SPPL3: variants seen among roughly 807,000 people sequenced by gnomAD.
The protein encoded by SPPL3 is signal peptide peptidase like 3, also known as signal peptide peptidase-like 3.
A neutral mutation model predicts 42.4 loss-of-function variants in SPPL3; 5 were observed. The observed-to-expected ratio is 0.12, with a 90% CI of 0.06 to 0.25. The LOEUF is 0.25. Ranked by LOEUF, SPPL3 falls within the 10% of genes least tolerant of loss-of-function variation. SPPL3 has a pLI of 1.00. For missense variants in SPPL3, 235 were observed against 489.0 expected (o/e 0.48, Z 4.90); for synonymous variants, 195 against 181.8 (o/e 1.07, Z -0.58).
intron 1 of SPPL3, among the ~76,000 whole-genome samples, chr12:120,872,205 C>A (rs1872954581): frequency 6.6e-6 from 1 of 152,202 alleles, no homozygotes; most frequent in Non-Finnish European, 1.5e-5. Flanking sequence ...GCAGAACCCA[C>A]AGATACAGAG....
chr12:120,823,576 T>C (rs1483649977), intron 1 of SPPL3, among the ~76,000 whole-genome samples: 5 of 152,308 alleles, frequency 3.3e-5, no homozygotes, highest in Admixed American at 1.3e-4. Context: ...ATTTTCTCCT[T>C]CTCCTCTGCC....
intron 1 of SPPL3, among the ~76,000 whole-genome samples, chr12:120,821,189 T>C (rs1270869717): frequency 6.6e-6 from 1 of 152,122 alleles, no homozygotes; most frequent in Non-Finnish European, 1.5e-5. Flanking sequence ...AAGAAAGGAT[T>C]TATTGCCGGG....
At chr12:120,871,718 ACTCCAG>A (rs1335596003) in intron 1 of SPPL3, among the ~76,000 whole-genome samples, 1 of 152,008 alleles carries the variant, frequency 6.6e-6, no homozygotes, top group Non-Finnish European at 1.5e-5. Context: ...GTGCCACTGC[ACTCCAG>A]CCTGGGTGAC....
chr12:120,796,675 T>C (rs1870108426), intron 2 of SPPL3, among the ~76,000 whole-genome samples: 1 of 152,158 alleles, frequency 6.6e-6, no homozygotes, highest in African/African-American at 2.4e-5. Context: ...GTTTCCATGA[T>C]TTATTAGGTG....
At chr12:120,782,789 T>C (rs758232702) in intron 5 of SPPL3, 22 bp from the exon 6 acceptor site, 3 of 1,548,482 alleles carry the variant, frequency 1.9e-6, no homozygotes, top group South Asian at 1.2e-5. Context: ...ACAACACTTA[T>C]TGGACAGTGG....
At chr12:120,770,670 C>T (rs1869085342) in intron 6 of SPPL3, among the ~76,000 whole-genome samples, 1 of 152,218 alleles carries the variant, frequency 6.6e-6, no homozygotes, top group African/African-American at 2.4e-5. Context: ...CTGGCCTTTT[C>T]AGGCTTCTCT....
intron 1 of SPPL3, among the ~76,000 whole-genome samples, chr12:120,844,547 T>G (rs1485242809): frequency 2.0e-5 from 3 of 152,138 alleles, no homozygotes; most frequent in African/African-American, 7.2e-5. Context: ...CCCACACACA[T>G]GGCTGAGTGC....
chr12:120,865,271 T>TCA (rs1872724330), intron 1 of SPPL3, among the ~76,000 whole-genome samples: 1 of 152,194 alleles, frequency 6.6e-6, no homozygotes, highest in African/African-American at 2.4e-5. Flanking sequence ...ATCTGTTACC[T>TCA]CACGCTCATA....
At position 120,768,310 on chromosome 12, in the gene SPPL3, A is replaced by C. The variant is rs1029278799; in HGVS notation, c.773+15T>G. The C allele has an allele frequency of 1.2e-6, 2 of 1,608,292 alleles. No homozygotes were observed. The highest frequency in any genetic ancestry group is 8.5e-7 in the Non-Finnish European group (1 of 1,176,422). On this transcript the variant is annotated intron_variant, in intron 8 of 10. Transcript: ENST00000353487. ...CAGGAAGACAGTGTGGTCCTGTCAT[A>C]GCATGAGGTCTTACCTTGGGAAGAC...
At chr12:120,837,409 T>C (rs895329805) in intron 1 of SPPL3, among the ~76,000 whole-genome samples, 3 of 152,232 alleles carry the variant, frequency 2.0e-5, no homozygotes, top group Non-Finnish European at 2.9e-5. Flanking sequence ...ATTTTTTTAT[T>C]GGTGGCACAA....
chr12:120,788,358 T>C (rs900238477), intron 3 of SPPL3, among the ~76,000 whole-genome samples: 3 of 152,198 alleles, frequency 2.0e-5, no homozygotes, highest in African/African-American at 4.8e-5. Flanking sequence ...TGGAACATTA[T>C]TATAATCTGA....
At chr12:120,858,584 C>T (rs984885561) in intron 1 of SPPL3, among the ~76,000 whole-genome samples, 1 of 151,464 alleles carries the variant, frequency 6.6e-6, no homozygotes, top group Non-Finnish European at 1.5e-5. Context: ...CTAAAAGAAA[C>T]ACAAGAATGA....
At chr12:120,790,878 A>G (rs916227205) in intron 3 of SPPL3, among the ~76,000 whole-genome samples, 5 of 151,154 alleles carry the variant, frequency 3.3e-5, no homozygotes, top group African/African-American at 1.2e-4. Flanking sequence ...GCTGGAGTGC[A>G]ATGGCACGAT....
intron 2 of SPPL3, among the ~76,000 whole-genome samples, chr12:120,798,708 A>C (rs143636826): frequency 6.6e-6 from 1 of 152,340 alleles, no homozygotes; most frequent in Non-Finnish European, 1.5e-5. Context: ...AACAATAACT[A>C]CACTTGTTAT....
At chr12:120,807,421 A>T (rs1181927828) in intron 2 of SPPL3, among the ~76,000 whole-genome samples, 1 of 152,192 alleles carries the variant, frequency 6.6e-6, no homozygotes, top group Non-Finnish European at 1.5e-5. Context: ...CATGCCTGTA[A>T]TCCCAGCACT....
At chr12:120,772,312 G>A (rs867857140) in intron 6 of SPPL3, among the ~76,000 whole-genome samples, 5 of 152,132 alleles carry the variant, frequency 3.3e-5, no homozygotes, top group African/African-American at 1.2e-4. Context: ...ATGAGCCACC[G>A]CGCCCGGCCC....
At chr12:120,879,595 T>C (rs1873217949) in intron 1 of SPPL3, among the ~76,000 whole-genome samples, 1 of 152,062 alleles carries the variant, frequency 6.6e-6, no homozygotes, top group African/African-American at 2.4e-5. Flanking sequence ...CAGACCAAAT[T>C]TCCAAGAGAG....
chr12:120,790,624 T>C (rs1168032916), intron 3 of SPPL3, among the ~76,000 whole-genome samples: 1 of 152,194 alleles, frequency 6.6e-6, no homozygotes, highest in African/African-American at 2.4e-5. Context: ...AGAAACCTTA[T>C]CTGACCCATT....
chr12:120,881,083 G>A (rs914685538), intron 1 of SPPL3, among the ~76,000 whole-genome samples: 1 of 152,004 alleles, frequency 6.6e-6, no homozygotes, highest in Non-Finnish European at 1.5e-5. Context: ...GTGTTGGCAA[G>A]GATGTGGAAA....
Sources: allele counts gnomAD v4.1 joint callset (sites outside exome capture counted in the v4.1 genomes callset), GRCh38; gene constraint gnomAD v4.1.1; transcripts MANE v1.5; gene names NCBI Gene and HGNC (gene_info 2026-07-23, HGNC 2026-07-21).